The following DGKB variants were observed in gnomAD, a reference collection of about 807,000 sequenced individuals.
DGKB encodes 90 kDa diacylglycerol kinase.
Under a neutral mutation model 114.3 loss-of-function variants are expected in DGKB, and 67 were observed. The observed-to-expected ratio is 0.59, with a 90% CI of 0.48 to 0.72. The LOEUF (loss-of-function observed/expected upper bound fraction) is 0.72, where lower values mean the gene tolerates loss of function less well. Among genes scored for constraint, DGKB ranks in the 30% least tolerant of loss-of-function variants. The probability of loss-of-function intolerance (pLI) is 0.00; values close to 1 mark genes in which losing one functional copy is unlikely to be tolerated. For synonymous variants in DGKB, 398 were observed against 323.1 expected (o/e 1.23, Z -2.49); for missense variants, 907 against 975.2 (o/e 0.93, Z 0.93).
chr7:14,176,804 A>C (rs1202229426), intron 25 of DGKB, 35 bp downstream of exon 25: 2 of 1,587,584 alleles, frequency 1.3e-6, no homozygotes, highest in African/African-American at 2.7e-5. Flanking sequence ...AGCAAAACTG[A>C]GATTGACATA....
intron 21 of DGKB, among the ~76,000 whole-genome samples, chr7:14,354,069 C>T (rs148234779): frequency 1.3e-5 from 2 of 152,332 alleles, no homozygotes; most frequent in African/African-American, 4.8e-5. Context: ...CCCCATCCCA[C>T]ATCCAATAAC....
chr7:14,393,220 A>G (rs1009087781), intron 21 of DGKB, among the ~76,000 whole-genome samples: 1 of 150,996 alleles, frequency 6.6e-6, no homozygotes, highest in Non-Finnish European at 1.5e-5. Context: ...CGATCTCCTG[A>G]CCTCGTGATC....
At chr7:14,231,089 T>TTCTC (rs879667379) in intron 23 of DGKB, among the ~76,000 whole-genome samples, 8,567 of 75,584 alleles carry the variant, frequency 0.11, 320 homozygotes, top group Non-Finnish European at 0.12. Flanking sequence ...TTCCCTTTCT[T>TTCTC]TCTTTCTTTC....
intron 23 of DGKB, among the ~76,000 whole-genome samples, chr7:14,257,251 G>A (rs993866373): frequency 1.3e-5 from 2 of 151,882 alleles, no homozygotes; most frequent in Non-Finnish European, 2.9e-5. Flanking sequence ...ACTCATATTA[G>A]TTCTAGGCTT....
At chr7:14,968,201 T>C (rs1260198040) in intron 1 of DGKB, among the ~76,000 whole-genome samples, 2 of 147,808 alleles carry the variant, frequency 1.4e-5, no homozygotes, top group East Asian at 2.0e-4. Flanking sequence ...ATGGAGATTA[T>C]AAAAAAAAAA....
intron 2 of DGKB, among the ~76,000 whole-genome samples, chr7:14,794,204 G>C (rs917053318): frequency 6.6e-6 from 1 of 152,120 alleles, no homozygotes; most frequent in African/African-American, 2.4e-5. Context: ...AGTGGTTCTA[G>C]AGGAACGTAA....
In DGKB at chr7:14,747,777, A is replaced by ACACACACACACACG. The variant is rs1564090138; in HGVS notation, c.168+6150_168+6151insCGTGTGTGTGTGTG. Among the ~76,000 whole-genome samples, 59 of 77,520 alleles carry ACACACACACACACG rather than the reference A, an allele frequency of 7.6e-4. No homozygotes were observed. The African/African-American group carries it at 7.8e-3, about 10-fold the overall frequency. 50.9% of individuals were successfully genotyped at this position (77,520 alleles called of 152,430 possible). On this transcript the variant is annotated intron_variant, in intron 4 of 25. Coordinates refer to ENST00000402815, the MANE Select transcript of DGKB (RefSeq NM_001350709.2). The stretch of plus-strand genomic sequence containing the variant: ...TGTGGGCTCAAACACATCCACGCGC[A>ACACACACACACACG]CGCACACACACACACACACACACAA...
intron 20 of DGKB, among the ~76,000 whole-genome samples, chr7:14,544,372 T>C (rs2128626473): frequency 6.6e-6 from 1 of 152,306 alleles, no homozygotes; most frequent in Non-Finnish European, 1.5e-5. Context: ...GTATTAGCCT[T>C]GAAGATGTTT....
At chr7:14,759,690 T>C (rs1425335636) in intron 2 of DGKB, among the ~76,000 whole-genome samples, 1 of 152,192 alleles carries the variant, frequency 6.6e-6, no homozygotes, top group Non-Finnish European at 1.5e-5. Context: ...TTCCAGGTTT[T>C]GGCTGTTAGG....
intron 23 of DGKB, among the ~76,000 whole-genome samples, chr7:14,336,416 T>G (rs1453023407): frequency 6.6e-6 from 1 of 152,204 alleles, no homozygotes; most frequent in Non-Finnish European, 1.5e-5. Flanking sequence ...GGGAACAGAA[T>G]TGAGCCTAAC....
intron 20 of DGKB, among the ~76,000 whole-genome samples, chr7:14,501,096 A>G (rs907735853): frequency 6.6e-6 from 1 of 151,922 alleles, no homozygotes; most frequent in Admixed American, 6.6e-5. Flanking sequence ...TATTCTCAAG[A>G]TAAGAATTGG....
chr7:14,335,381 C>A (rs1810460651), intron 23 of DGKB, among the ~76,000 whole-genome samples: 1 of 151,530 alleles, frequency 6.6e-6, no homozygotes, highest in South Asian at 2.1e-4. Context: ...TTACATGTGT[C>A]CCCCATTTTC....
intron 22 of DGKB, among the ~76,000 whole-genome samples, chr7:14,341,669 A>G (rs1238699976): frequency 2.0e-5 from 3 of 151,910 alleles, no homozygotes; most frequent in African/African-American, 7.2e-5. Context: ...AGAGACAAAT[A>G]TAATTAAAAG....
intron 17 of DGKB, among the ~76,000 whole-genome samples, chr7:14,601,089 G>T (rs916308108): frequency 6.6e-5 from 10 of 152,202 alleles, no homozygotes; most frequent in African/African-American, 2.2e-4. Flanking sequence ...TGCCTTCACA[G>T]CTTTTGCACT....
intron 25 of DGKB, among the ~76,000 whole-genome samples, chr7:14,157,375 G>GTT (rs5882430): frequency 0.026 from 3,716 of 144,996 alleles, 50 homozygotes; most frequent in African/African-American, 0.029. Flanking sequence ...CCTTTTGCCA[G>GTT]TTTTTTTTTT....
intron 19 of DGKB, among the ~76,000 whole-genome samples, chr7:14,575,674 C>A (rs1210308606): frequency 6.6e-6 from 1 of 152,124 alleles, no homozygotes; most frequent in Non-Finnish European, 1.5e-5. Context: ...AAATATTGTA[C>A]TAAGTTAAAT....
intron 23 of DGKB, among the ~76,000 whole-genome samples, chr7:14,225,571 C>A (rs979508817): frequency 6.6e-6 from 1 of 151,760 alleles, no homozygotes; most frequent in Non-Finnish European, 1.5e-5. Flanking sequence ...AATGTTTGTC[C>A]TTTTTTTATA....
intron 1 of DGKB, among the ~76,000 whole-genome samples, chr7:14,912,258 C>T (rs966205306): frequency 1.3e-5 from 2 of 152,092 alleles, no homozygotes; most frequent in African/African-American, 4.8e-5. Context: ...TCCAAATAGG[C>T]CTATTTCCTA....
At chr7:14,953,612 G>A (rs1786332572) in intron 1 of DGKB, among the ~76,000 whole-genome samples, 1 of 152,078 alleles carries the variant, frequency 6.6e-6, no homozygotes, top group Non-Finnish European at 1.5e-5. Flanking sequence ...ATGTAACAGT[G>A]CAGCCACACT....
Sources: gnomAD v4.1 joint callset for allele counts (sites outside exome capture counted in the v4.1 genomes callset) on GRCh38, gnomAD v4.1.1 for gene constraint, MANE v1.5 for transcripts, NCBI Gene and HGNC (gene_info 2026-07-23, HGNC 2026-07-21) for gene names.